The following LYPD6B variants were observed in gnomAD, a reference collection of about 807,000 sequenced individuals.
LYPD6B encodes ly6/PLAUR domain-containing protein 6B.
Under a neutral mutation model 22.8 loss-of-function variants are expected in LYPD6B, and 17 were observed. That is an observed-to-expected ratio of 0.75 (90% confidence interval 0.51 to 1.12). The LOEUF (loss-of-function observed/expected upper bound fraction) is 1.12, where lower values mean the gene tolerates loss of function less well. LYPD6B is among the 50% of genes most tolerant of loss of function. LYPD6B has a pLI of 0.00. For missense variants in LYPD6B, 221 were observed against 258.3 expected, an observed-to-expected ratio of 0.86 and a Z score of 0.99; for synonymous variants, 106 against 91.6, an observed-to-expected ratio of 1.16 and a Z score of -0.90.
intron 1 of LYPD6B, among the ~76,000 whole-genome samples, chr2:149,071,885 A>G (rs906383783): frequency 8.5e-5 from 13 of 152,178 alleles, no homozygotes; most frequent in African/African-American, 3.1e-4. Flanking sequence ...GCATAATGGC[A>G]TTGGTTGTTT....
intron 2 of LYPD6B, among the ~76,000 whole-genome samples, chr2:149,146,942 A>C (rs887654404): frequency 6.6e-6 from 1 of 152,220 alleles, no homozygotes; most frequent in African/African-American, 2.4e-5. Flanking sequence ...AGGTGCACAC[A>C]TGGAAAGTCT....
chr2:149,065,502 T>C (rs1044743656), intron 1 of LYPD6B, among the ~76,000 whole-genome samples: 7 of 152,222 alleles, frequency 4.6e-5, no homozygotes, highest in African/African-American at 1.7e-4. Flanking sequence ...CACTTTCTCT[T>C]CTGCCCAATC....
intron 2 of LYPD6B, 194 bp from the exon 3 acceptor site, chr2:149,160,570 T>G: frequency 1.5e-6 from 1 of 671,880 alleles, no homozygotes; most frequent in Non-Finnish European, 2.7e-6. Context: ...TCTGTAATGT[T>G]AATGGCCCCA....
intron 1 of LYPD6B, among the ~76,000 whole-genome samples, chr2:149,120,784 C>CTTTTTTTTTTTTTTTTTTTT (rs567231544): frequency 1.0e-5 from 1 of 95,554 alleles, no homozygotes; most frequent in African/African-American, 4.7e-5. Context: ...GCTACAAAGT[C>CTTTTTTTTTTTTTTTTTTTT]TTTTTTTTTT....
At chr2:149,135,719 C>CAAAAAAA (rs386391471) in intron 2 of LYPD6B, among the ~76,000 whole-genome samples, 4 of 32,244 alleles carry the variant, frequency 1.2e-4, no homozygotes, top group Admixed American at 4.3e-4. Flanking sequence ...GACCATGTCT[C>CAAAAAAA]AAAAAAAAAA....
In LYPD6B at chr2:149,123,484, C is replaced by T. The variant is rs961207576; in HGVS notation, c.-66-7399C>T. 8.5e-5 allele frequency among the ~76,000 whole-genome samples: 13 copies of T among 152,048 alleles called. 1 individual carries two copies. Among genetic ancestry groups the T allele is most frequent in the Admixed American group, 5.9e-4 (9 of 15,256 alleles). ...GTACGTAACTAAAGTTGGACAATTA[C>T]TACGCGGAGGAAAGGGCACTGAACT... is the stretch of plus-strand genomic sequence containing the variant. On this transcript the variant is annotated intron_variant, in intron 1 of 6. Coordinates refer to ENST00000409642, the MANE Select transcript of LYPD6B (RefSeq NM_177964.5).
intron 1 of LYPD6B, among the ~76,000 whole-genome samples, chr2:149,058,398 T>A (rs1477916089): frequency 6.6e-6 from 1 of 152,236 alleles, no homozygotes; most frequent in African/African-American, 2.4e-5. Context: ...TACATTCAGT[T>A]GTCTATAACT....
At chr2:149,098,643 A>AAAAAAAAAAAAAAAAAAAGAAAG (rs57783804) in intron 1 of LYPD6B, among the ~76,000 whole-genome samples, 8 of 130,954 alleles carry the variant, frequency 6.1e-5, no homozygotes, top group African/African-American at 1.7e-4. Flanking sequence ...AAAAAAAAAA[A>AAAAAAAAAAAAAAAAAAAGAAAG]AAAAAAGAAA....
At chr2:149,118,253 G>A (rs1425003076) in intron 1 of LYPD6B, 1 of 152,206 alleles carries the variant, frequency 6.6e-6, no homozygotes, top group African/African-American at 2.4e-5. Context: ...CACTACCGAG[G>A]CTGGGTACCA....
intron 1 of LYPD6B, among the ~76,000 whole-genome samples, chr2:149,048,115 G>A (rs1197782988): frequency 6.6e-6 from 1 of 152,012 alleles, no homozygotes; most frequent in African/African-American, 2.4e-5. Flanking sequence ...ATCTAGGTCT[G>A]GTTCTATTCA....
intron 1 of LYPD6B, among the ~76,000 whole-genome samples, chr2:149,123,789 G>A (rs879915515): frequency 2.6e-5 from 4 of 152,164 alleles, no homozygotes; most frequent in African/African-American, 4.8e-5. Context: ...GAACCCAGGA[G>A]GCAGAGGTTG....
rs369827183 is a variant in LYPD6B at position 149,072,357 on chromosome 2, G to A, written c.-67+33556G>A. Among the ~76,000 whole-genome samples the A allele has an allele frequency of 6.6e-5, 10 of 151,422 alleles. No individual in the cohort carries two copies. The South Asian group carries it at 1.7e-3, about 25-fold the overall frequency. On this transcript the variant is annotated intron_variant, in intron 1 of 6. Coordinates refer to ENST00000409642, the MANE Select transcript of LYPD6B (RefSeq NM_177964.5). ...TTATTTTATTTTAGTTTAGTTTCTT[G>A]ACTTTCAGCACATGTGCCTCTGGTG... is the stretch of plus-strand genomic sequence containing the variant.
chr2:149,045,202 T>C (rs1188660759), intron 1 of LYPD6B, among the ~76,000 whole-genome samples: 1 of 152,092 alleles, frequency 6.6e-6, no homozygotes, highest in Non-Finnish European at 1.5e-5. Flanking sequence ...TCAAATTCAT[T>C]GATACAGAAT....
intron 1 of LYPD6B, among the ~76,000 whole-genome samples, chr2:149,051,989 A>G (rs958064834): frequency 1.3e-5 from 2 of 152,134 alleles, no homozygotes; most frequent in East Asian, 3.9e-4. Context: ...TCCAGAAAGC[A>G]TGAACTAATT....
chr2:149,162,137 A>G (rs2105888980), intron 3 of LYPD6B, among the ~76,000 whole-genome samples: 1 of 152,282 alleles, frequency 6.6e-6, no homozygotes, highest in South Asian at 2.1e-4. Context: ...TAACAGTGTT[A>G]AACAGTGTCA....
chr2:149,083,648 G>A (rs770186754), intron 1 of LYPD6B, among the ~76,000 whole-genome samples: 6 of 152,136 alleles, frequency 3.9e-5, no homozygotes, highest in East Asian at 1.9e-4. Flanking sequence ...GTTTACAGGC[G>A]TGAGTAGATT....
chr2:149,052,294 A>T (rs1053666626), intron 1 of LYPD6B, among the ~76,000 whole-genome samples: 5 of 152,110 alleles, frequency 3.3e-5, no homozygotes, highest in African/African-American at 1.2e-4. Context: ...TGACCTCATG[A>T]TCCGCCCGCC....
At chr2:149,121,462 T>C (rs1687350649) in intron 1 of LYPD6B, among the ~76,000 whole-genome samples, 1 of 152,190 alleles carries the variant, frequency 6.6e-6, no homozygotes, top group African/African-American at 2.4e-5. Flanking sequence ...AATCTGATGA[T>C]TGTTGCAGTC....
chr2:149,152,943 A>G (rs1689466909), intron 2 of LYPD6B, among the ~76,000 whole-genome samples: 1 of 152,212 alleles, frequency 6.6e-6, no homozygotes, highest in Non-Finnish European at 1.5e-5. Context: ...AGTTCCATCT[A>G]TATTCTGCCA....
Sources: allele counts gnomAD v4.1 joint callset (sites outside exome capture counted in the v4.1 genomes callset), GRCh38; gene constraint gnomAD v4.1.1; transcripts MANE v1.5; gene names NCBI Gene and HGNC (gene_info 2026-07-23, HGNC 2026-07-21).